The following ZFPM2 variants were observed in gnomAD, a reference collection of about 807,000 sequenced individuals.
The protein encoded by ZFPM2 is zinc finger protein, FOG family member 2.
ZFPM2 carries 20 observed loss-of-function variants against 98.6 expected under a neutral mutation model. The ratio of observed to expected loss-of-function variants is 0.20; its 90% confidence interval spans 0.14 to 0.29. The LOEUF is 0.29. ZFPM2 is among the 10% of genes least tolerant of loss of function. The pLI is 1.00. For missense variants in ZFPM2, 1,310 were observed against 1,388.6 expected (o/e 0.94, Z 0.90); for synonymous variants, 518 against 502.7 (o/e 1.03, Z -0.41).
chr8:105,563,912 T>C (rs1462544542), intron 4 of ZFPM2, among the ~76,000 whole-genome samples: 1 of 152,172 alleles, frequency 6.6e-6, no homozygotes, highest in Non-Finnish European at 1.5e-5. Flanking sequence ...TCCAGTTTAC[T>C]ATATTAAAAG....
intron 5 of ZFPM2, among the ~76,000 whole-genome samples, chr8:105,692,460 G>A (rs1810909497): frequency 6.6e-6 from 1 of 152,162 alleles, no homozygotes; most frequent in Admixed American, 6.5e-5. Flanking sequence ...GGAAGATTCA[G>A]TTGCATTATT....
At chr8:105,765,015 A>G (rs1027677085) in intron 5 of ZFPM2, among the ~76,000 whole-genome samples, 2 of 151,844 alleles carry the variant, frequency 1.3e-5, no homozygotes, top group Non-Finnish European at 2.9e-5. Flanking sequence ...TTCATTTAAG[A>G]GCAAAATTCT....
intron 1 of ZFPM2, among the ~76,000 whole-genome samples, chr8:105,329,588 TA>T (rs1812174343): frequency 6.6e-6 from 1 of 151,844 alleles, no homozygotes; most frequent in African/African-American, 2.4e-5. Flanking sequence ...TCATAGCACT[TA>T]ACCTGGCCAA....
At chr8:105,464,859 G>A (rs192924235) in intron 3 of ZFPM2, among the ~76,000 whole-genome samples, 1 of 151,936 alleles carries the variant, frequency 6.6e-6, no homozygotes, top group East Asian at 1.9e-4. Flanking sequence ...AATGAAAAAT[G>A]GAGGAGGCAG....
intron 5 of ZFPM2, among the ~76,000 whole-genome samples, chr8:105,682,389 G>T (rs1174257561): frequency 6.6e-6 from 1 of 152,142 alleles, no homozygotes; most frequent in Non-Finnish European, 1.5e-5. Context: ...AATGCACTTT[G>T]GGAATAGCAA....
chr8:105,484,853 T>C (rs1254743688), intron 3 of ZFPM2, among the ~76,000 whole-genome samples: 1 of 152,156 alleles, frequency 6.6e-6, no homozygotes, highest in Admixed American at 6.6e-5. Context: ...TGGAGCAGCT[T>C]TTCTATTTGT....
chr8:105,673,126 C>G (rs1379208521), intron 5 of ZFPM2, among the ~76,000 whole-genome samples: 1 of 148,934 alleles, frequency 6.7e-6, no homozygotes. Context: ...AAATTTGTGC[C>G]AGGGAAGAAC....
rs190675867 is a variant in ZFPM2 at position 105,797,458 on chromosome 8, A to T, written c.740-1266A>T. On this transcript the variant is annotated intron_variant, in intron 6 of 7. Coordinates refer to ENST00000407775, the MANE Select transcript of ZFPM2 (RefSeq NM_012082.4). ...CCACTGCTATGATTCTGATTATGCGATAATATCTGATTATGTCAGTGTCTT... is the reference window on the plus strand; with the variant it reads ...CCACTGCTATGATTCTGATTATGCGTTAATATCTGATTATGTCAGTGTCTT... Among the ~76,000 whole-genome samples the T allele has an allele frequency of 1.2e-3, 184 of 152,316 alleles. 1 individual carries two copies. The highest frequency in any genetic ancestry group is 4.2e-3 in the African/African-American group (174 of 41,576).
At chr8:105,517,046 CT>C (rs1355120899) in intron 3 of ZFPM2, among the ~76,000 whole-genome samples, 1 of 152,134 alleles carries the variant, frequency 6.6e-6, no homozygotes, top group African/African-American at 2.4e-5. Flanking sequence ...TACTTGTTGA[CT>C]TTTTTCCTTT....
intron 1 of ZFPM2, among the ~76,000 whole-genome samples, chr8:105,328,140 A>G (rs1433936885): frequency 4.6e-5 from 7 of 151,844 alleles, no homozygotes; most frequent in Non-Finnish European, 1.0e-4. Flanking sequence ...CCATACTTAC[A>G]TGATTAAAGT....
intron 3 of ZFPM2, among the ~76,000 whole-genome samples, chr8:105,475,958 G>A (rs1238184849): frequency 6.6e-6 from 1 of 152,166 alleles, no homozygotes; most frequent in African/African-American, 2.4e-5. Flanking sequence ...ACAACAGATA[G>A]CCAGAGCTGT....
chr8:105,479,518 A>G (rs1813077072), intron 3 of ZFPM2, among the ~76,000 whole-genome samples: 1 of 152,212 alleles, frequency 6.6e-6, no homozygotes, highest in Non-Finnish European at 1.5e-5. Flanking sequence ...GGTAATGTCT[A>G]TAATTAGTTT....
chr8:105,797,687 C>G (rs1813874567), intron 6 of ZFPM2, among the ~76,000 whole-genome samples: 1 of 152,128 alleles, frequency 6.6e-6, no homozygotes, highest in Non-Finnish European at 1.5e-5. Context: ...CCTGAGCTGC[C>G]CATTTGATCA....
At chr8:105,782,631 C>T (rs1813283162) in intron 5 of ZFPM2, 1 of 152,098 alleles carries the variant, frequency 6.6e-6, no homozygotes, top group African/African-American at 2.4e-5. Flanking sequence ...TGCTCAAGTA[C>T]CTGATATAAA....
At chr8:105,587,772 A>G (rs1051004163) in intron 4 of ZFPM2, among the ~76,000 whole-genome samples, 16 of 152,164 alleles carry the variant, frequency 1.1e-4, no homozygotes, top group African/African-American at 3.9e-4. Flanking sequence ...ATTTTGGACC[A>G]GATAATTCTT....
intron 4 of ZFPM2, among the ~76,000 whole-genome samples, chr8:105,563,490 A>G (rs1436148641): frequency 2.0e-5 from 3 of 152,306 alleles, no homozygotes; most frequent in Non-Finnish European, 2.9e-5. Flanking sequence ...AATATTTAAT[A>G]TTCTGGGCAA....
chr8:105,529,579 ATTTTTTT>A (rs35183035), intron 3 of ZFPM2, among the ~76,000 whole-genome samples: 44 of 136,674 alleles, frequency 3.2e-4, no homozygotes, highest in African/African-American at 1.1e-3. Context: ...AACTCTCAGC[ATTTTTTT>A]TTTTTTTTTT....
rs975686028 is a variant in ZFPM2, at chr8:105,801,573, C to T, written c.1491C>T (p.Phe497=). The T allele has an allele frequency of 6.2e-7, 1 of 1,613,892 alleles. No individual in the cohort carries two copies. Residue 497 remains phenylalanine (F), a synonymous_variant, in exon 8 of 8, where the codon TTC becomes TTT. Coordinates refer to ENST00000407775, the MANE Select transcript of ZFPM2 (RefSeq NM_012082.4). The part of the protein sequence containing the change: ...NIGPSFPVGP[F]LSQFSFPQDI... ...GGCCTTCTTTCCCTGTGGGCCCTTT[C>T]CTATCTCAGTTTTCTTTCCCCCAAG...
At chr8:105,678,696 T>C (rs2130916880) in intron 5 of ZFPM2, 1 of 152,340 alleles carries the variant, frequency 6.6e-6, no homozygotes, top group Admixed American at 6.5e-5. Context: ...TTCTCTCTTA[T>C]TCCATTGGTA....
Sources: allele counts gnomAD v4.1 joint callset (sites outside exome capture counted in the v4.1 genomes callset), GRCh38; gene constraint gnomAD v4.1.1; transcripts MANE v1.5; gene names NCBI Gene and HGNC (gene_info 2026-07-23, HGNC 2026-07-21).